Variants in ANOS1 observed in about 807,000 individuals in gnomAD.
The protein encoded by ANOS1 is anosmin-1.
In ANOS1, 6 loss-of-function variants were observed where a neutral mutation model predicts 59.0. The ratio of observed to expected loss-of-function variants is 0.10; its 90% CI spans 0.06 to 0.20. ANOS1 has a LOEUF of 0.20. Ranked by LOEUF, ANOS1 falls within the 10% of genes least tolerant of loss-of-function variation. ANOS1 has a pLI of 1.00. For synonymous variants in ANOS1, 217 were observed against 223.4 expected, an observed-to-expected ratio of 0.97 and a Z score of 0.25; for missense variants, 433 against 542.3, an observed-to-expected ratio of 0.80 and a Z score of 2.00.
At chrX:8,676,467 C>G (rs778631691) in intron 2 of ANOS1, among the ~76,000 whole-genome samples, 1 of 111,517 alleles carries the variant, frequency 9.0e-6, no homozygotes, top group Admixed American at 9.5e-5. Flanking sequence ...CAAAAAAGGG[C>G]ACATCATCTG....
At chrX:8,720,060 T>C (rs777641556) in intron 1 of ANOS1, among the ~76,000 whole-genome samples, 2 of 111,948 alleles carry the variant, frequency 1.8e-5, no homozygotes, top group South Asian at 3.8e-4. Context: ...TTTTGAAAGA[T>C]TTCCTCATTG....
At chrX:8,675,026 C>A (rs1198691597) in intron 2 of ANOS1, among the ~76,000 whole-genome samples, 1 of 111,778 alleles carries the variant, frequency 8.9e-6, no homozygotes, top group African/African-American at 3.3e-5. Context: ...CCACAGCCCA[C>A]TTTTGGTGGA....
At chrX:8,647,639 G>T (rs949512168) in intron 2 of ANOS1, among the ~76,000 whole-genome samples, 3 of 111,842 alleles carry the variant, frequency 2.7e-5, no homozygotes, top group African/African-American at 9.7e-5. Context: ...GAATCTTTAT[G>T]TAAAAAAAAA....
At chrX:8,648,679 T>C (rs939073982) in intron 2 of ANOS1, among the ~76,000 whole-genome samples, 11 of 112,042 alleles carry the variant, frequency 9.8e-5, no homozygotes, top group Admixed American at 2.9e-4. Flanking sequence ...ATATTTGGAC[T>C]ATTGTTCATA....
rs1480432359 is a variant in ANOS1 at position 8,597,041 on chromosome X, CAG to C, written c.532_533del (p.Leu178ValfsTer25). On this transcript the variant is annotated frameshift_variant, in exon 4 of 14. Transcript: ENST00000262648. LOFTEE classifies it high-confidence loss of function. ...CGHTCQVPKTLYKGVPLKPRK... is the reference protein window; with the variant it reads ...CGHTCQVPKTXYKGVPLKPRK... ...CCCAGTGCTGCCCCTTACCTTTGTA[CAG>C]AGTCTTGGGTACTTGACAGGTGTGT... The C allele has an allele frequency of 8.3e-7, 1 of 1,211,898 alleles. No homozygotes were observed.
In ANOS1 at chrX:8,569,871, T is replaced by C. The variant is rs903000587; in HGVS notation, c.1062+628A>G. On this transcript the variant is annotated intron_variant, in intron 7 of 13. Transcript: ENST00000262648. ...GAATGTATACTAAAAGGAATCCAAA[T>C]AACTATTTTTATGCAGTAAGCATTT... Among the ~76,000 whole-genome samples, 6 of 111,958 alleles carry C rather than the reference T, an allele frequency of 5.4e-5. No homozygotes were observed. The East Asian group carries it at 1.7e-3, about 31-fold the overall frequency.
intron 2 of ANOS1, among the ~76,000 whole-genome samples, chrX:8,640,603 A>T (rs918445402): frequency 9.1e-6 from 1 of 110,200 alleles, no homozygotes; most frequent in Non-Finnish European, 1.9e-5. Flanking sequence ...AAAAAAAAAA[A>T]AAAACTGTTG....
At chrX:8,555,043 T>A (rs1929927896) in intron 8 of ANOS1, among the ~76,000 whole-genome samples, 1 of 111,741 alleles carries the variant, frequency 8.9e-6, no homozygotes, top group Non-Finnish European at 1.9e-5. Context: ...CAGACCACAG[T>A]GCAATCAAAT....
Position 8,665,803 on chromosome X carries a change from A to G in ANOS1, c.255+33895T>C, listed in dbSNP as rs56770754. 5.8e-3 allele frequency among the ~76,000 whole-genome samples: 658 copies of G among 112,699 alleles called. 8 individuals are homozygous for G. The highest frequency in any genetic ancestry group is 0.02 in the African/African-American group (621 of 31,044). On this transcript the variant is annotated intron_variant, in intron 2 of 13. Transcript: ENST00000262648. ...AGAGATAATGGTGGCAATATCCACC[A>G]TGATTATTTTAGCAAAGCAAATTAC...
At chrX:8,663,648 G>A (rs1932078325) in intron 2 of ANOS1, among the ~76,000 whole-genome samples, 1 of 111,717 alleles carries the variant, frequency 9.0e-6, no homozygotes, top group Admixed American at 9.5e-5. Context: ...TTTCTATCTT[G>A]TGTTTCCTAC....
chrX:8,562,736 G>C (rs977184789), intron 8 of ANOS1, among the ~76,000 whole-genome samples: 2 of 111,762 alleles, frequency 1.8e-5, no homozygotes, highest in Non-Finnish European at 1.9e-5. Flanking sequence ...CTTCAAAGAA[G>C]CAAGCTACCT....
chrX:8,554,555 T>TG (rs1186097460), intron 8 of ANOS1, among the ~76,000 whole-genome samples: 41 of 96,373 alleles, frequency 4.3e-4, no homozygotes, highest in African/African-American at 1.7e-3. Flanking sequence ...TTTTTTTTTT[T>TG]TTTTTTTTTT....
chrX:8,558,495 C>A (rs186254852), intron 8 of ANOS1, among the ~76,000 whole-genome samples: 2 of 110,648 alleles, frequency 1.8e-5, no homozygotes, highest in East Asian at 5.6e-4. Context: ...ATATAATCCC[C>A]AGTATTTAAT....
intron 2 of ANOS1, among the ~76,000 whole-genome samples, chrX:8,695,054 G>A (rs965020951): frequency 8.9e-6 from 1 of 111,759 alleles, no homozygotes; most frequent in African/African-American, 3.3e-5. Context: ...ACTCACGCCT[G>A]TAATCCCAGC....
chrX:8,659,229 T>TAAAA (rs57477012), intron 2 of ANOS1, among the ~76,000 whole-genome samples: 1 of 95,565 alleles, frequency 1.0e-5, no homozygotes, highest in East Asian at 3.4e-4. Context: ...TCTGTCTCAA[T>TAAAA]AAAAAAAAAA....
chrX:8,729,892 C>A (rs962559690), intron 1 of ANOS1, among the ~76,000 whole-genome samples: 1 of 110,414 alleles, frequency 9.1e-6, no homozygotes, highest in African/African-American at 3.3e-5. Flanking sequence ...AATGGCTTTG[C>A]AATTGATTAC....
intron 9 of ANOS1, among the ~76,000 whole-genome samples, chrX:8,548,058 C>T (rs1191420316): frequency 8.9e-6 from 1 of 112,442 alleles, no homozygotes; most frequent in African/African-American, 3.2e-5. Flanking sequence ...GAAAGTTGAA[C>T]ATACCATTTT....
intron 7 of ANOS1, 25 bp from the exon 8 acceptor site, chrX:8,568,401 A>G (rs930090901): frequency 7.6e-6 from 9 of 1,189,678 alleles, no homozygotes; most frequent in Non-Finnish European, 8.0e-6. Context: ...AATATACCCA[A>G]AATGCGTTAC....
At chrX:8,571,526 C>T (rs746677137) in intron 6 of ANOS1, among the ~76,000 whole-genome samples, 10 of 111,828 alleles carry the variant, frequency 8.9e-5, no homozygotes, top group Non-Finnish European at 1.5e-4. Context: ...TAAAAACCTG[C>T]ACCATTTTTT....
Sources: gnomAD v4.1 joint callset for allele counts (sites outside exome capture counted in the v4.1 genomes callset) on GRCh38, gnomAD v4.1.1 for gene constraint, MANE v1.5 for transcripts, NCBI Gene and HGNC (gene_info 2026-07-23, HGNC 2026-07-21) for gene names.